The following PRDX4 variants were observed in gnomAD, a reference collection of about 807,000 sequenced individuals.
The protein encoded by PRDX4 is peroxiredoxin-4.
PRDX4 carries 12 observed loss-of-function variants against 20.5 expected under a neutral mutation model. The observed-to-expected ratio is 0.58, with a 90% CI of 0.37 to 0.95. PRDX4 has a LOEUF of 0.95. Among genes scored for constraint, PRDX4 ranks in the 40% least tolerant of loss-of-function variants. PRDX4 has a pLI of 0.01. For synonymous variants in PRDX4, 99 were observed against 87.5 expected (o/e 1.13, Z -0.73); for missense variants, 180 against 207.3 (o/e 0.87, Z 0.81).
chrX:23,676,314 A>C (rs1323973381), intron 3 of PRDX4, among the ~76,000 whole-genome samples: 1 of 111,147 alleles, frequency 9.0e-6, no homozygotes, highest in Non-Finnish European at 1.9e-5. Context: ...ACATTTCCCT[A>C]AGAAATTAAT....
At chrX:23,667,859 G>A (rs1473771378) in intron 1 of PRDX4, 48 bp downstream of exon 1, 1 of 1,192,837 alleles carries the variant, frequency 8.4e-7, no homozygotes. Flanking sequence ...CCGGAGACAC[G>A]TGTACCCCGG....
rs1381903275 is a variant in PRDX4 at position 23,675,117 on chromosome X, TA to T, written c.476+12del. On this transcript the variant is annotated intron_variant, in intron 3 of 6. Coordinates refer to ENST00000379341, the MANE Select transcript of PRDX4 (RefSeq NM_006406.2). Reference sequence around the variant, plus strand: ...TACCCATTTGGCCTGGTCAGTATCTTACACTTATATTCGTAGAAAAAAAAGA... The same window carrying T: ...TACCCATTTGGCCTGGTCAGTATCTTCACTTATATTCGTAGAAAAAAAAGA... 3 of 1,210,009 alleles carry T rather than the reference TA, an allele frequency of 2.5e-6. No individual in the cohort carries two copies. The highest frequency in any genetic ancestry group is 3.4e-6 in the Non-Finnish European group (3 of 895,225).
chrX:23,681,745 A>G (rs1601793085), intron 4 of PRDX4, among the ~76,000 whole-genome samples: 1 of 112,532 alleles, frequency 8.9e-6, no homozygotes, highest in East Asian at 2.8e-4. Context: ...TTCTTTTTAA[A>G]ATTTTTTTGT....
chrX:23,673,659 G>A lies in PRDX4; in HGVS notation c.360-1331G>A, dbSNP rs766360212. 6.4e-5 allele frequency among the ~76,000 whole-genome samples: 7 copies of A among 110,068 alleles called. No homozygotes were observed. The South Asian group carries it at 2.4e-3, about 38-fold the overall frequency. On this transcript the variant is annotated intron_variant, in intron 2 of 6. Transcript: ENST00000379341. The stretch of plus-strand genomic sequence containing the variant: ...TAGTCCCAGTTACTCAGCAGGCTGA[G>A]GCAGGAGAATTGCTTGAACCCGGGA...
intron 1 of PRDX4, among the ~76,000 whole-genome samples, chrX:23,671,036 A>G (rs768418387): frequency 1.4e-4 from 16 of 112,206 alleles, no homozygotes; most frequent in African/African-American, 4.9e-4. Flanking sequence ...GAATAGGGGA[A>G]AAAAGTATTT....
At position 23,667,521 on chromosome X, in the gene PRDX4, G is replaced by T; in HGVS notation, c.-50G>T. On this transcript the variant is annotated 5_prime_UTR_variant, in exon 1 of 7. Coordinates refer to ENST00000379341, the MANE Select transcript of PRDX4 (RefSeq NM_006406.2). ...CACGCGGTTGTAGCTGCCCGGCGGC[G>T]GCAGAAGCGGCGCTCGCGCCAAGGG... The T allele has an allele frequency of 6.2e-6, 7 of 1,129,495 alleles. No homozygotes were observed. The highest frequency in any genetic ancestry group is 1.8e-5 in the African/African-American group (1 of 55,534). 93.1% of individuals were successfully genotyped at this position (1,129,495 alleles called of 1,213,427 possible).
intron 3 of PRDX4, among the ~76,000 whole-genome samples, chrX:23,675,989 G>A (rs995901873): frequency 2.7e-5 from 3 of 109,603 alleles, no homozygotes; most frequent in Admixed American, 9.8e-5. Context: ...TTAGCCAGGC[G>A]TGGTAGCAGG....
At chrX:23,682,825 C>CAAAAAAAAAAAAAAAAAAAAA (rs568865999) in intron 5 of PRDX4, among the ~76,000 whole-genome samples, 1 of 9,584 alleles carries the variant, frequency 1.0e-4, no homozygotes, top group African/African-American at 4.8e-4. Context: ...TACTAAAAAT[C>CAAAAAAAAAAAAAAAAAAAAA]AAAAAAAAAA....
chrX:23,677,561 C>T (rs1319256477), intron 3 of PRDX4, among the ~76,000 whole-genome samples: 1 of 112,074 alleles, frequency 8.9e-6, no homozygotes, highest in African/African-American at 3.2e-5. Context: ...AAGACTGAGG[C>T]ATCTGATATT....
In PRDX4 at chrX:23,675,168, C is replaced by G. The variant is rs2109141; in HGVS notation, c.476+62C>G. The G allele has an allele frequency of 1.9e-3, 2,317 of 1,207,008 alleles. 47 individuals are homozygous for G. The Admixed American group carries it at 0.043, about 23-fold the overall frequency. The stretch of plus-strand genomic sequence containing the variant: ...AATGGATTTACTCTTAAAGCATGGA[C>G]AGATAACTCTTGATATGATATAAGA... On this transcript the variant is annotated intron_variant, in intron 3 of 6. Coordinates refer to ENST00000379341, the MANE Select transcript of PRDX4 (RefSeq NM_006406.2).
In PRDX4 at chrX:23,674,988, A is replaced by C; in HGVS notation, c.360-2A>C. ...GAATATTTTTTTTTTTTTACCTTTC[A>C]GCACATTTGTGTGTCCAACTGAAAT... On this transcript the variant is annotated splice_acceptor_variant, in intron 2 of 6. Transcript: ENST00000379341. LOFTEE classifies it high-confidence loss of function. 1 of 1,203,862 alleles carries C rather than the reference A, an allele frequency of 8.3e-7. No homozygotes were observed. Among genetic ancestry groups the C allele is most frequent in the African/African-American group, 1.7e-5 (1 of 57,419 alleles).
chrX:23,681,045 CG>C (rs1928057372), intron 4 of PRDX4, among the ~76,000 whole-genome samples: 1 of 111,243 alleles, frequency 9.0e-6, no homozygotes, highest in African/African-American at 3.3e-5. Context: ...CTGGCTAACA[CG>C]GTGAAACCCC....
chrX:23,672,575 G>C lies in PRDX4; in HGVS notation c.359+929G>C, dbSNP rs989689273. Among the ~76,000 whole-genome samples, 7 of 112,026 alleles carry C rather than the reference G, an allele frequency of 6.2e-5. 1 individual carries two copies. The East Asian group carries it at 1.9e-3, about 31-fold the overall frequency. On this transcript the variant is annotated intron_variant, in intron 2 of 6. Transcript: ENST00000379341. The stretch of plus-strand genomic sequence containing the variant: ...TATTTTACAAAACACTATTTTGAGT[G>C]TTTTTCAAAATTCATGAAAGTGAGA...
At chrX:23,672,514 A>G (rs981123129) in intron 2 of PRDX4, among the ~76,000 whole-genome samples, 4 of 111,739 alleles carry the variant, frequency 3.6e-5, no homozygotes, top group Non-Finnish European at 7.5e-5. Context: ...AAAAGTAAAT[A>G]CCCTTACAGC....
chrX:23,673,681 G>C (rs1464068621), intron 2 of PRDX4, among the ~76,000 whole-genome samples: 1 of 109,798 alleles, frequency 9.1e-6, no homozygotes, highest in African/African-American at 3.3e-5. Context: ...GCTTGAACCC[G>C]GGAGGCGGAG....
chrX:23,680,308 G>A (rs1361212549), intron 4 of PRDX4, among the ~76,000 whole-genome samples: 1 of 111,859 alleles, frequency 8.9e-6, no homozygotes, highest in Non-Finnish European at 1.9e-5. Context: ...CTAAATACAA[G>A]TGTCATACTA....
chrX:23,679,428 T>A, intron 4 of PRDX4, 141 bp downstream of exon 4: 1 of 718,099 alleles, frequency 1.4e-6, no homozygotes, highest in Non-Finnish European at 2.0e-6. Flanking sequence ...CTCAAGCCTG[T>A]AATCCTGGCA....
intron 2 of PRDX4, 134 bp from the exon 3 acceptor site, chrX:23,674,856 G>C: frequency 2.2e-6 from 2 of 891,042 alleles, no homozygotes; most frequent in Non-Finnish European, 3.0e-6. Context: ...ACTCCATTTT[G>C]AAAAGGTTCA....
intron 3 of PRDX4, chrX:23,675,380 T>C (rs1018016575): frequency 1.2e-5 from 5 of 425,641 alleles, no homozygotes; most frequent in Middle Eastern, 1.4e-3. Flanking sequence ...GTGATTTCTA[T>C]AGCGAAAACC....
Sources: gnomAD v4.1 joint callset for allele counts (sites outside exome capture counted in the v4.1 genomes callset) on GRCh38, gnomAD v4.1.1 for gene constraint, MANE v1.5 for transcripts, NCBI Gene and HGNC (gene_info 2026-07-23, HGNC 2026-07-21) for gene names.